IMMP2L: variants seen among roughly 807,000 people sequenced by gnomAD.
IMMP2L encodes the protein mitochondrial inner membrane protease subunit 2.
A neutral mutation model predicts 19.3 loss-of-function variants in IMMP2L; 18 were observed. The observed-to-expected ratio is 0.93, with a 90% CI of 0.64 to 1.38. The LOEUF (loss-of-function observed/expected upper bound fraction) is 1.38. Ranked by LOEUF, IMMP2L falls within the 40% of genes most tolerant of loss-of-function variation. The pLI, the probability that IMMP2L is intolerant of heterozygous loss-of-function variation, is 0.00. For synonymous variants in IMMP2L, 76 were observed against 73.0 expected (o/e 1.04, Z -0.21); for missense variants, 233 against 218.2 (o/e 1.07, Z -0.43).
chr7:111,132,025 T>C (rs1277242732), intron 3 of IMMP2L, among the ~76,000 whole-genome samples: 2 of 151,904 alleles, frequency 1.3e-5, no homozygotes, highest in African/African-American at 4.8e-5. Flanking sequence ...ATTGTTCCTA[T>C]TATCTTCTAA....
Position 111,210,508 on chromosome 7 carries a change from T to C in IMMP2L, c.240-246943A>G, listed in dbSNP as rs1337813742. On this transcript the variant is annotated intron_variant, in intron 3 of 5. Coordinates refer to ENST00000405709, the MANE Select transcript of IMMP2L (RefSeq NM_032549.4). The stretch of plus-strand genomic sequence containing the variant: ...CTAAGGACTACCTGCACTTATTTTA[T>C]AACCCAATTAATGTATCTTCTCACT... Among the ~76,000 whole-genome samples, 15 of 152,296 alleles carry C rather than the reference T, an allele frequency of 9.8e-5. No homozygotes were observed. In the East Asian group the frequency reaches 2.9e-3, roughly 29 times the overall value.
chr7:110,777,609 A>C (rs772041319), intron 5 of IMMP2L, among the ~76,000 whole-genome samples: 3 of 151,982 alleles, frequency 2.0e-5, no homozygotes, highest in Non-Finnish European at 2.9e-5. Context: ...TGCTTCTAGA[A>C]TGTCTTATGT....
intron 4 of IMMP2L, among the ~76,000 whole-genome samples, chr7:110,931,913 C>T (rs768101372): frequency 6.6e-6 from 1 of 152,084 alleles, no homozygotes; most frequent in Non-Finnish European, 1.5e-5. Context: ...CTGCTTTTCT[C>T]GCTACCTTAA....
chr7:111,157,612 T>C (rs993924578), intron 3 of IMMP2L, among the ~76,000 whole-genome samples: 1 of 152,092 alleles, frequency 6.6e-6, no homozygotes, highest in Admixed American at 6.6e-5. Flanking sequence ...GGTTGGTTAA[T>C]GGACACAAAA....
chr7:111,055,708 A>G (rs142434713), intron 3 of IMMP2L, among the ~76,000 whole-genome samples: 1 of 152,310 alleles, frequency 6.6e-6, no homozygotes, highest in Non-Finnish European at 1.5e-5. Flanking sequence ...CTGAAAAATA[A>G]TCCATTAGGC....
intron 3 of IMMP2L, among the ~76,000 whole-genome samples, chr7:111,139,322 A>G (rs530029823): frequency 6.6e-6 from 1 of 152,172 alleles, no homozygotes; most frequent in African/African-American, 2.4e-5. Flanking sequence ...ACAGGTAACA[A>G]GGGCCAGAGA....
intron 3 of IMMP2L, among the ~76,000 whole-genome samples, chr7:110,972,103 C>T (rs1166544108): frequency 6.6e-6 from 1 of 151,910 alleles, no homozygotes; most frequent in African/African-American, 2.4e-5. Flanking sequence ...CAATTTACTC[C>T]TTTGAAAAGG....
chr7:110,840,795 C>T (rs1323971729), intron 5 of IMMP2L, among the ~76,000 whole-genome samples: 1 of 151,948 alleles, frequency 6.6e-6, no homozygotes, highest in African/African-American at 2.4e-5. Flanking sequence ...AAACTTTTGT[C>T]TCTTTTCTAT....
chr7:111,113,961 T>G (rs1474583468), intron 3 of IMMP2L, among the ~76,000 whole-genome samples: 2 of 152,210 alleles, frequency 1.3e-5, no homozygotes, highest in Non-Finnish European at 2.9e-5. Context: ...CCTCTCAATT[T>G]ATGTGAAATG....
At chr7:111,296,499 T>C (rs1192466242) in intron 3 of IMMP2L, among the ~76,000 whole-genome samples, 1 of 151,254 alleles carries the variant, frequency 6.6e-6, no homozygotes, top group African/African-American at 2.4e-5. Context: ...ACTGTTAGAA[T>C]AGCTTTAAAA....
chr7:110,903,999 A>T (rs1812192782), intron 4 of IMMP2L, among the ~76,000 whole-genome samples: 1 of 151,726 alleles, frequency 6.6e-6, no homozygotes, highest in Admixed American at 6.6e-5. Context: ...TTTTCATGTA[A>T]GCGGTTTGCC....
rs187952183 is a variant in IMMP2L, at chr7:110,856,076, C to T, written c.408+30517G>A. On this transcript the variant is annotated intron_variant, in intron 5 of 5. Coordinates refer to ENST00000405709, the MANE Select transcript of IMMP2L (RefSeq NM_032549.4). ...TCACATACTTCTTATAATGTTTGAA[C>T]TGTTCATCTACTACAGCAATCATTC... is the stretch of plus-strand genomic sequence containing the variant. Among the ~76,000 whole-genome samples, 27 of 152,058 alleles carry T rather than the reference C, an allele frequency of 1.8e-4. No individual in the cohort carries two copies. The East Asian group carries it at 3.7e-3, about 21-fold the overall frequency.
chr7:111,102,230 C>T (rs1195593607), intron 3 of IMMP2L, among the ~76,000 whole-genome samples: 1 of 151,464 alleles, frequency 6.6e-6, no homozygotes, highest in Non-Finnish European at 1.5e-5. Flanking sequence ...TATTTCATAG[C>T]ACATTGACTA....
intron 3 of IMMP2L, among the ~76,000 whole-genome samples, chr7:110,992,952 T>A (rs1276862533): frequency 6.6e-6 from 1 of 152,230 alleles, no homozygotes; most frequent in East Asian, 1.9e-4. Flanking sequence ...TTAGTGAGAA[T>A]TCATTGCATC....
At chr7:110,951,965 T>A (rs544595733) in intron 4 of IMMP2L, among the ~76,000 whole-genome samples, 6 of 152,278 alleles carry the variant, frequency 3.9e-5, no homozygotes, top group Admixed American at 1.3e-4. Flanking sequence ...ATAGAAGAGC[T>A]GTTTCTTAAT....
At chr7:110,865,757 A>G (rs1807917714) in intron 5 of IMMP2L, among the ~76,000 whole-genome samples, 1 of 152,018 alleles carries the variant, frequency 6.6e-6, no homozygotes, top group African/African-American at 2.4e-5. Flanking sequence ...AGCATTTAAG[A>G]CAGCTTTTCA....
chr7:110,922,973 C>G (rs1271442768), intron 4 of IMMP2L, among the ~76,000 whole-genome samples: 1 of 152,112 alleles, frequency 6.6e-6, no homozygotes, highest in Non-Finnish European at 1.5e-5. Flanking sequence ...GTTTCAAAGC[C>G]TTTTATTTCA....
At chr7:110,819,751 T>C (rs899092929) in intron 5 of IMMP2L, among the ~76,000 whole-genome samples, 2 of 152,068 alleles carry the variant, frequency 1.3e-5, no homozygotes, top group East Asian at 3.9e-4. Context: ...AAATGGATAA[T>C]AATACGAATT....
intron 5 of IMMP2L, among the ~76,000 whole-genome samples, chr7:110,855,161 G>A (rs967435173): frequency 1.3e-5 from 2 of 151,804 alleles, no homozygotes; most frequent in Admixed American, 1.3e-4. Context: ...AAAATATATG[G>A]GGAAAAATTT....
Sources: allele counts gnomAD v4.1 joint callset (sites outside exome capture counted in the v4.1 genomes callset), GRCh38; gene constraint gnomAD v4.1.1; transcripts MANE v1.5; gene names NCBI Gene and HGNC (gene_info 2026-07-23, HGNC 2026-07-21).